The following CCNY variants were observed in gnomAD, a reference collection of about 807,000 sequenced individuals.
CCNY encodes the protein cyclin Y.
In CCNY, 19 loss-of-function variants were observed where a neutral mutation model predicts 42.8. The observed-to-expected ratio is 0.44, with a 90% CI of 0.31 to 0.65. CCNY has a LOEUF of 0.65. Ranked by LOEUF, CCNY falls within the 30% of genes least tolerant of loss-of-function variation. The probability of loss-of-function intolerance (pLI) is 0.07; values close to 1 mark genes in which losing one functional copy is unlikely to be tolerated. For missense variants in CCNY, 370 were observed against 437.3 expected (o/e 0.85, Z 1.37); for synonymous variants, 165 against 162.7 (o/e 1.01, Z -0.11).
upstream of CCNY, chr10:35,332,471 C>T (rs560906144): frequency 6.6e-6 from 1 of 152,172 alleles, no homozygotes; most frequent in Non-Finnish European, 1.5e-5. Context: ...ATCAGTAGAT[C>T]TATAAATTAT....
intron 7 of CCNY, among the ~76,000 whole-genome samples, chr10:35,533,578 CCCT>C (rs1403853593): frequency 6.6e-6 from 1 of 152,104 alleles, no homozygotes; most frequent in African/African-American, 2.4e-5. Flanking sequence ...ATGCGTCCTG[CCCT>C]CCTCCTCCCC....
chr10:35,472,777 T>TCACA (rs1839416285), intron 1 of CCNY, among the ~76,000 whole-genome samples: 1 of 152,204 alleles, frequency 6.6e-6, no homozygotes, highest in Non-Finnish European at 1.5e-5. Context: ...AAATACATGT[T>TCACA]TTGTCTCACC....
intron 8 of CCNY, among the ~76,000 whole-genome samples, chr10:35,556,089 G>C (rs1841357551): frequency 6.6e-6 from 1 of 152,146 alleles, no homozygotes; most frequent in South Asian, 2.1e-4. Context: ...TTTGAAAGCT[G>C]TTGGTGCCCA....
At chr10:35,362,212 T>C (rs1836701590) in intron 1 of CCNY, among the ~76,000 whole-genome samples, 1 of 152,234 alleles carries the variant, frequency 6.6e-6, no homozygotes, top group Admixed American at 6.5e-5. Flanking sequence ...CATTATCATT[T>C]AAGGCAGCAT....
rs1411217814 is a variant in CCNY, at chr10:35,570,502, T to A, written c.*1332T>A. On this transcript the variant is annotated 3_prime_UTR_variant, in exon 10 of 10. Transcript: ENST00000374704. Reference sequence around the variant, plus strand: ...TTATATCAAGTAAAATGAAAGTTGATGATAGAATATCAAATAGTGAATTTG... The same window carrying A: ...TTATATCAAGTAAAATGAAAGTTGAAGATAGAATATCAAATAGTGAATTTG... The A allele has an allele frequency of 6.6e-6, 1 of 152,340 alleles. No individual in the cohort carries two copies. The highest frequency in any genetic ancestry group is 1.5e-5 in the Non-Finnish European group (1 of 68,036). The allele number at this position is 152,340 out of a possible 1,614,324, so 9.4% of individuals were successfully genotyped here.
intron 2 of CCNY, among the ~76,000 whole-genome samples, chr10:35,490,178 C>T (rs903126817): frequency 6.6e-6 from 1 of 152,194 alleles, no homozygotes; most frequent in African/African-American, 2.4e-5. Flanking sequence ...CTAATGTTTT[C>T]AGCTTCTCTT....
intron 3 of CCNY, among the ~76,000 whole-genome samples, chr10:35,266,808 G>A (rs774643467): frequency 6.6e-6 from 1 of 152,106 alleles, no homozygotes; most frequent in Non-Finnish European, 1.5e-5. Flanking sequence ...CTGTCGCCGG[G>A]TGCGGTGGCT....
At chr10:35,465,702 GTCC>G (rs1245655185) in intron 1 of CCNY, among the ~76,000 whole-genome samples, 1 of 152,044 alleles carries the variant, frequency 6.6e-6, no homozygotes, top group Non-Finnish European at 1.5e-5. Flanking sequence ...GCTTTGGCCT[GTCC>G]TCTTCCTTCT....
intron 3 of CCNY, among the ~76,000 whole-genome samples, chr10:35,297,243 C>A (rs1835481709): frequency 6.6e-6 from 1 of 151,800 alleles, no homozygotes; most frequent in African/African-American, 2.4e-5. Context: ...ATAAACAGAA[C>A]TAAAAACAAA....
intron 1 of CCNY, among the ~76,000 whole-genome samples, chr10:35,442,089 A>G (rs1410696305): frequency 6.6e-6 from 1 of 152,228 alleles, no homozygotes; most frequent in Non-Finnish European, 1.5e-5. Flanking sequence ...AGCAATAGTG[A>G]AAGTGTACCT....
chr10:35,283,702 C>T (rs748434528), intron 3 of CCNY, among the ~76,000 whole-genome samples: 2 of 152,066 alleles, frequency 1.3e-5, no homozygotes, highest in Middle Eastern at 3.2e-3. Flanking sequence ...TGCGCCCAGC[C>T]GGTAAGAACA....
intron 1 of CCNY, among the ~76,000 whole-genome samples, chr10:35,473,954 C>T (rs1012706816): frequency 2.6e-5 from 4 of 152,232 alleles, no homozygotes; most frequent in Non-Finnish European, 5.9e-5. Context: ...ATGCGCGAGC[C>T]GAAGCAGGGC....
At chr10:35,567,151 C>T (rs1841588607) in intron 9 of CCNY, among the ~76,000 whole-genome samples, 1 of 152,180 alleles carries the variant, frequency 6.6e-6, no homozygotes, top group Non-Finnish European at 1.5e-5. Flanking sequence ...AAAAAGCTGC[C>T]AAATGATATT....
chr10:35,448,898 G>A (rs1024227345), intron 1 of CCNY, among the ~76,000 whole-genome samples: 1 of 152,110 alleles, frequency 6.6e-6, no homozygotes, highest in African/African-American at 2.4e-5. Flanking sequence ...ATCCCCAGGG[G>A]GTGCAGTGTG....
At chr10:35,527,696 G>A (rs1471549584) in intron 5 of CCNY, among the ~76,000 whole-genome samples, 1 of 152,178 alleles carries the variant, frequency 6.6e-6, no homozygotes, top group East Asian at 1.9e-4. Context: ...TAAGTGAGTG[G>A]AAGTAGAGAA....
intron 1 of CCNY, among the ~76,000 whole-genome samples, chr10:35,480,876 G>C (rs951041982): frequency 2.0e-5 from 3 of 152,140 alleles, no homozygotes; most frequent in Non-Finnish European, 4.4e-5. Context: ...TGAAGCAGGA[G>C]GATCGCTTGA....
At chr10:35,424,346 C>T (rs908311059) in intron 1 of CCNY, among the ~76,000 whole-genome samples, 2 of 152,222 alleles carry the variant, frequency 1.3e-5, no homozygotes, top group Admixed American at 1.3e-4. Context: ...CCTGCCTCAA[C>T]CTCCCAAGTA....
upstream of CCNY, among the ~76,000 whole-genome samples, chr10:35,335,089 C>G (rs2135108722): frequency 7.0e-6 from 1 of 143,204 alleles, no homozygotes; most frequent in African/African-American, 2.6e-5. Context: ...ACAAGACTCT[C>G]CTCAAGACTC....
chr10:35,472,161 G>A (rs760543045), intron 1 of CCNY, among the ~76,000 whole-genome samples: 1 of 152,136 alleles, frequency 6.6e-6, no homozygotes, highest in African/African-American at 2.4e-5. Flanking sequence ...TGCCCATTGC[G>A]CTAGTACCTG....
Sources: allele counts gnomAD v4.1 joint callset (sites outside exome capture counted in the v4.1 genomes callset), GRCh38; gene constraint gnomAD v4.1.1; transcripts MANE v1.5; gene names NCBI Gene and HGNC (gene_info 2026-07-23, HGNC 2026-07-21).